Variants in ARPP21 observed in about 807,000 individuals in gnomAD.
The protein encoded by ARPP21 is cAMP regulated phosphoprotein 21.
ARPP21 carries 69 observed loss-of-function variants against 113.2 expected under a neutral mutation model. That is an observed-to-expected ratio of 0.61 (90% confidence interval 0.50 to 0.74). ARPP21 has a LOEUF of 0.74. Among genes scored for constraint, ARPP21 ranks in the 30% least tolerant of loss-of-function variants. The pLI, the probability that ARPP21 is intolerant of heterozygous loss-of-function variation, is 0.00. For missense variants in ARPP21, 1,070 were observed against 1,037.4 expected, an observed-to-expected ratio of 1.03 and a Z score of -0.43; for synonymous variants, 368 against 375.5, an observed-to-expected ratio of 0.98 and a Z score of 0.23.
Position 35,776,376 on chromosome 3 carries a change from A to G in ARPP21, c.2138-16006A>G, listed in dbSNP as rs542112574. 1.8e-4 allele frequency among the ~76,000 whole-genome samples: 27 copies of G among 152,306 alleles called. No individual in the cohort carries two copies. In the South Asian group the frequency reaches 5.4e-3, roughly 30 times the overall value. On this transcript the variant is annotated intron_variant, in intron 19 of 20. Coordinates refer to ENST00000684406, the MANE Select transcript of ARPP21 (RefSeq NM_001385562.1). ...GTTAGGTACTGAGAAGCCCTGTAAT[A>G]GTCTAACAAGTTAGAAGACAAGCCC...
At chr3:35,790,915 TTTAGATTACACAC>T in intron 19 of ARPP21, among the ~76,000 whole-genome samples, 1 of 152,324 alleles carries the variant, frequency 6.6e-6, no homozygotes, top group South Asian at 2.1e-4. Flanking sequence ...AGGGTAGCTT[TTTAGATTACACAC>T]TGGTTCCACT....
rs754411154 is a variant in ARPP21, at chr3:35,748,058, A to AGAAG, written c.2137+4102_2137+4105dup. The stretch of plus-strand genomic sequence containing the variant: ...GAAAGGAGAGAGAGAAAGAAAAGGA[A>AGAAG]GAAGGAAGGAAGAAAGAAAGAAAGA... On this transcript the variant is annotated intron_variant, in intron 19 of 20. Transcript: ENST00000684406. Among the ~76,000 whole-genome samples, 556 of 82,468 alleles carry AGAAG rather than the reference A, an allele frequency of 6.7e-3. 1 individual carries two copies. The highest frequency in any genetic ancestry group is 0.014 in the African/African-American group (206 of 15,098). 54.1% of individuals were successfully genotyped at this position (82,468 alleles called of 152,430 possible). A position where few individuals can be genotyped will look rare whatever the true frequency, so the allele number is the denominator to read the frequency against.
At chr3:35,661,558 A>T (rs1418460441) in intron 1 of ARPP21, among the ~76,000 whole-genome samples, 1 of 152,224 alleles carries the variant, frequency 6.6e-6, no homozygotes, top group Non-Finnish European at 1.5e-5. Flanking sequence ...GGAGTATAGA[A>T]ACTTGAAAAT....
At chr3:35,788,778 T>C (rs1031200377) in intron 19 of ARPP21, among the ~76,000 whole-genome samples, 1 of 152,236 alleles carries the variant, frequency 6.6e-6, no homozygotes, top group Non-Finnish European at 1.5e-5. Context: ...AATGTTTTCT[T>C]GACTGAATAT....
intron 1 of ARPP21, among the ~76,000 whole-genome samples, chr3:35,664,661 T>G (rs1209199936): frequency 2.0e-5 from 3 of 152,146 alleles, no homozygotes; most frequent in African/African-American, 7.2e-5. Flanking sequence ...TTGTTGGTTG[T>G]TTGGCTCCGG....
intron 19 of ARPP21, among the ~76,000 whole-genome samples, chr3:35,754,219 T>C (rs1198356964): frequency 1.3e-5 from 2 of 152,030 alleles, no homozygotes; most frequent in African/African-American, 4.8e-5. Context: ...TCCTAATAAG[T>C]TACATACATT....
chr3:35,753,343 C>T (rs1382576452), intron 19 of ARPP21, among the ~76,000 whole-genome samples: 1 of 151,828 alleles, frequency 6.6e-6, no homozygotes, highest in African/African-American at 2.4e-5. Context: ...AGTTCAAACA[C>T]CCAAGGAATA....
intron 1 of ARPP21, among the ~76,000 whole-genome samples, chr3:35,676,093 T>A (rs1367172408): frequency 6.6e-6 from 1 of 151,948 alleles, no homozygotes; most frequent in African/African-American, 2.4e-5. Context: ...CTGAATAACA[T>A]GTCACAATGT....
At chr3:35,707,446 T>G (rs1382529452) in intron 10 of ARPP21, 1 of 477,700 alleles carries the variant, frequency 2.1e-6, no homozygotes, top group Non-Finnish European at 4.1e-6. Flanking sequence ...TTCCACTCCC[T>G]ACAGCTTTGT....
intron 13 of ARPP21, among the ~76,000 whole-genome samples, chr3:35,719,031 AC>A (rs2092770861): frequency 9.0e-5 from 6 of 66,670 alleles, no homozygotes; most frequent in Non-Finnish European, 2.3e-4. Context: ...AATTCTAGTT[AC>A]TTACAAGAGG....
intron 19 of ARPP21, among the ~76,000 whole-genome samples, chr3:35,775,272 T>C (rs1222838273): frequency 6.6e-6 from 1 of 152,144 alleles, no homozygotes; most frequent in Non-Finnish European, 1.5e-5. Flanking sequence ...AGTGAACAAT[T>C]GGTTAAAGAC....
chr3:35,690,330 C>T (rs1385002778), intron 8 of ARPP21, among the ~76,000 whole-genome samples, 190 bp downstream of exon 8: 2 of 151,392 alleles, frequency 1.3e-5, no homozygotes, highest in African/African-American at 2.4e-5. Context: ...ACCATGTGTG[C>T]TTCTGCTTGT....
intron 1 of ARPP21, among the ~76,000 whole-genome samples, chr3:35,666,795 C>T (rs2074474251): frequency 6.6e-6 from 1 of 152,114 alleles, no homozygotes; most frequent in Non-Finnish European, 1.5e-5. Flanking sequence ...TCATTATTTT[C>T]TATCTCTTCT....
chr3:35,781,563 T>C (rs1329880926), intron 19 of ARPP21: 1 of 152,222 alleles, frequency 6.6e-6, no homozygotes. Context: ...CTTATTGTTG[T>C]CTCAAGCCAG....
At chr3:35,714,489 A>T (rs1448291451) in intron 11 of ARPP21, among the ~76,000 whole-genome samples, 2 of 152,196 alleles carry the variant, frequency 1.3e-5, no homozygotes, top group Non-Finnish European at 2.9e-5. Context: ...TTATTCCTGT[A>T]ACAAGTCATT....
chr3:35,778,400 A>AGAGGGAGAGAGAGCG (rs2096438163), intron 19 of ARPP21, among the ~76,000 whole-genome samples: 1 of 152,088 alleles, frequency 6.6e-6, no homozygotes. Flanking sequence ...GAGAGAGAGC[A>AGAGGGAGAGAGAGCG]GGCAGAGGGA....
chr3:35,669,059 A>G (rs1489271522), intron 1 of ARPP21, among the ~76,000 whole-genome samples: 2 of 152,256 alleles, frequency 1.3e-5, no homozygotes, highest in Non-Finnish European at 1.5e-5. Context: ...ATATTAATAC[A>G]TTCCTCCAAA....
intron 19 of ARPP21, among the ~76,000 whole-genome samples, chr3:35,775,630 A>G (rs1253260597): frequency 2.6e-5 from 4 of 152,168 alleles, no homozygotes; most frequent in Non-Finnish European, 4.4e-5. Flanking sequence ...TGTTTTATTA[A>G]AACAAAGTTA....
At chr3:35,741,601 A>T (rs935357847) in intron 18 of ARPP21, among the ~76,000 whole-genome samples, 3 of 152,250 alleles carry the variant, frequency 2.0e-5, no homozygotes, top group Non-Finnish European at 4.4e-5. Flanking sequence ...TGGACGAGAC[A>T]AAGAGGGATT....
Sources: allele counts gnomAD v4.1 joint callset (sites outside exome capture counted in the v4.1 genomes callset), GRCh38; gene constraint gnomAD v4.1.1; transcripts MANE v1.5; gene names NCBI Gene and HGNC (gene_info 2026-07-23, HGNC 2026-07-21).